Variants in LCLAT1 observed in about 807,000 individuals in gnomAD.
LCLAT1 encodes the protein lysocardiolipin acyltransferase 1, also known as 1-AGP acyltransferase 8.
LCLAT1 carries 11 observed loss-of-function variants against 30.7 expected under a neutral mutation model. The ratio of observed to expected loss-of-function variants is 0.36; its 90% CI spans 0.23 to 0.59. The LOEUF (loss-of-function observed/expected upper bound fraction) is 0.59. LCLAT1 is among the 20% of genes least tolerant of loss of function. LCLAT1 has a pLI of 0.77. For missense variants in LCLAT1, 402 were observed against 458.6 expected (o/e 0.88, Z 1.13); for synonymous variants, 155 against 151.3 (o/e 1.02, Z -0.18).
At chr2:30,544,575 GATT>G (rs2148414648) in intron 3 of LCLAT1, among the ~76,000 whole-genome samples, 3 of 152,210 alleles carry the variant, frequency 2.0e-5, no homozygotes, top group African/African-American at 7.2e-5. Flanking sequence ...TGGTCCTTTG[GATT>G]ATCCTTTCCT....
At chr2:30,505,232 T>A (rs966843325) in intron 1 of LCLAT1, among the ~76,000 whole-genome samples, 1 of 152,084 alleles carries the variant, frequency 6.6e-6, no homozygotes, top group Non-Finnish European at 1.5e-5. Flanking sequence ...TACCTACTTA[T>A]CAGTTTGCCC....
intron 5 of LCLAT1, among the ~76,000 whole-genome samples, chr2:30,571,679 C>T (rs1356452266): frequency 6.6e-6 from 1 of 152,152 alleles, no homozygotes; most frequent in African/African-American, 2.4e-5. Flanking sequence ...GGAAGAAAGA[C>T]AGACAAATTA....
intron 5 of LCLAT1, among the ~76,000 whole-genome samples, chr2:30,602,317 A>G (rs1181656678): frequency 1.3e-5 from 2 of 152,162 alleles, no homozygotes; most frequent in Non-Finnish European, 2.9e-5. Context: ...GAAGATGCAT[A>G]CTGGGAGGAG....
rs767347664 is a variant in LCLAT1 at position 30,484,924 on chromosome 2, C to CTATGG, written c.-5+37565_-5+37569dup. ...CTATGGTATGATATGTTATGGTATGCTATGGTATGGTATGGTATGGTATGG... is the reference window on the plus strand; with the variant it reads ...CTATGGTATGATATGTTATGGTATGCTATGGTATGGTATGGTATGGTATGGTATGG... On this transcript the variant is annotated intron_variant, in intron 1 of 5. Transcript: ENST00000379509. Among the ~76,000 whole-genome samples, 864 of 152,006 alleles carry CTATGG rather than the reference C, an allele frequency of 5.7e-3. 3 individuals carry two copies. Among genetic ancestry groups the CTATGG allele is most frequent in the Non-Finnish European group, 8.2e-3 (559 of 67,910 alleles).
intron 3 of LCLAT1, among the ~76,000 whole-genome samples, chr2:30,555,670 G>A (rs1411772777): frequency 1.3e-5 from 2 of 151,598 alleles, no homozygotes; most frequent in African/African-American, 4.8e-5. Flanking sequence ...TTTTGTTTGG[G>A]GGTTATTATT....
intron 4 of LCLAT1, among the ~76,000 whole-genome samples, chr2:30,565,418 A>G (rs937398411): frequency 2.2e-4 from 33 of 152,160 alleles, no homozygotes; most frequent in African/African-American, 7.7e-4. Context: ...TCAGTCTACT[A>G]ATTTAAATAT....
At chr2:30,591,305 G>GACTTCTGTGTAA (rs1666684156) in intron 5 of LCLAT1, among the ~76,000 whole-genome samples, 1 of 152,102 alleles carries the variant, frequency 6.6e-6, no homozygotes, top group Non-Finnish European at 1.5e-5. Flanking sequence ...AGGAACAAAT[G>GACTTCTGTGTAA]ACTTCTGTGT....
Position 30,644,218 on chromosome 2 carries a change from A to G in LCLAT1, c.*3599A>G, listed in dbSNP as rs1054924422. On this transcript the variant is annotated 3_prime_UTR_variant, in exon 6 of 6. Coordinates refer to ENST00000379509, the MANE Select transcript of LCLAT1 (RefSeq NM_001002257.3). The stretch of plus-strand genomic sequence containing the variant: ...ATCCCAGAATAAAGGAGTGAATTAA[A>G]TAGTTTACATGTGTGTTACGTTCTG... 1 of 152,228 alleles carries G rather than the reference A, an allele frequency of 6.6e-6. No individual in the cohort carries two copies. The highest frequency in any genetic ancestry group is 1.5e-5 in the Non-Finnish European group (1 of 68,036). The allele number at this position is 152,228 out of a possible 1,614,324, so 9.4% of individuals were successfully genotyped here.
intron 4 of LCLAT1, 100 bp from the exon 5 acceptor site, chr2:30,567,960 T>G: frequency 3.1e-6 from 2 of 638,896 alleles, no homozygotes; most frequent in Middle Eastern, 4.4e-4. Flanking sequence ...TAGAGAATAA[T>G]TAACAGCTAT....
At chr2:30,589,738 CTGTTT>C (rs1415807639) in intron 5 of LCLAT1, among the ~76,000 whole-genome samples, 4 of 152,212 alleles carry the variant, frequency 2.6e-5, no homozygotes, top group African/African-American at 9.6e-5. Context: ...ATAATGGTGT[CTGTTT>C]TATCTTTGAT....
intron 5 of LCLAT1, among the ~76,000 whole-genome samples, chr2:30,622,094 T>G (rs1668283004): frequency 6.6e-6 from 1 of 151,698 alleles, no homozygotes; most frequent in Non-Finnish European, 1.5e-5. Flanking sequence ...ACGGCAAGAG[T>G]GAGACCAGCC....
chr2:30,620,771 A>G (rs1442294155), intron 5 of LCLAT1, among the ~76,000 whole-genome samples: 1 of 152,202 alleles, frequency 6.6e-6, no homozygotes, highest in Non-Finnish European at 1.5e-5. Context: ...GTGGCTTAAA[A>G]CAATAAAAAA....
chr2:30,515,629 AT>A (rs1201992391), intron 1 of LCLAT1, among the ~76,000 whole-genome samples: 4 of 152,222 alleles, frequency 2.6e-5, no homozygotes, highest in African/African-American at 9.6e-5. Flanking sequence ...TTTCAGGATT[AT>A]CTACAGTTCA....
At chr2:30,530,473 A>G (rs1685929871) in intron 2 of LCLAT1, among the ~76,000 whole-genome samples, 1 of 152,234 alleles carries the variant, frequency 6.6e-6, no homozygotes, top group Non-Finnish European at 1.5e-5. Context: ...TTTCAGGCAT[A>G]TTCTGGTAGA....
chr2:30,570,142 C>G (rs929503645), intron 5 of LCLAT1, among the ~76,000 whole-genome samples: 1 of 152,044 alleles, frequency 6.6e-6, no homozygotes, highest in Non-Finnish European at 1.5e-5. Context: ...TAGTAGCAAA[C>G]TGATTTATAA....
rs141842903 is a variant in LCLAT1 at position 30,525,297 on chromosome 2, G to A, written c.-4-290G>A. ...TCACCATGTTGGCCAGGCTGGTCTC[G>A]AACTCCTGGCCTCAAGTGATCCACC... is the stretch of plus-strand genomic sequence containing the variant. On this transcript the variant is annotated intron_variant, in intron 1 of 5. Transcript: ENST00000379509. 7.6e-3 allele frequency among the ~76,000 whole-genome samples: 1,157 copies of A among 152,138 alleles called. 11 individuals are homozygous for A. Among genetic ancestry groups the A allele is most frequent in the African/African-American group, 0.025 (1,021 of 41,504 alleles).
At chr2:30,519,748 G>A (rs998082143) in intron 1 of LCLAT1, among the ~76,000 whole-genome samples, 3 of 152,152 alleles carry the variant, frequency 2.0e-5, no homozygotes, top group Non-Finnish European at 2.9e-5. Context: ...CCAGGCATTC[G>A]AACCAGCAGT....
intron 1 of LCLAT1, among the ~76,000 whole-genome samples, chr2:30,451,208 G>A (rs1163587543): frequency 6.6e-6 from 1 of 152,158 alleles, no homozygotes; most frequent in African/African-American, 2.4e-5. Context: ...TAAAAAGATG[G>A]ACAGTGCCGG....
chr2:30,583,926 A>G (rs2363850), intron 5 of LCLAT1, among the ~76,000 whole-genome samples: 55,584 of 151,954 alleles, frequency 0.37, 11,280 homozygotes, highest in Non-Finnish European at 0.46. Context: ...TTTAAGTTCC[A>G]GGATACATAT....
Sources: gnomAD v4.1 joint callset for allele counts (sites outside exome capture counted in the v4.1 genomes callset) on GRCh38, gnomAD v4.1.1 for gene constraint, MANE v1.5 for transcripts, NCBI Gene and HGNC (gene_info 2026-07-23, HGNC 2026-07-21) for gene names.